Variants in SORCS3 observed in about 807,000 individuals in gnomAD.
SORCS3 encodes the protein sortilin related VPS10 domain containing receptor 3.
A neutral mutation model predicts 146.3 loss-of-function variants in SORCS3; 57 were observed. The observed-to-expected ratio is 0.39, with a 90% confidence interval of 0.31 to 0.49. The LOEUF (loss-of-function observed/expected upper bound fraction) is 0.49, where lower values mean the gene tolerates loss of function less well. Among genes scored for constraint, SORCS3 ranks in the 20% least tolerant of loss-of-function variants. SORCS3 has a pLI of 0.92. For missense variants in SORCS3, 1,341 were observed against 1,575.5 expected, an observed-to-expected ratio of 0.85 and a Z score of 2.52; for synonymous variants, 653 against 618.5, an observed-to-expected ratio of 1.06 and a Z score of -0.83.
chr10:104,641,399 C>G lies in SORCS3; in HGVS notation c.72C>G (p.Leu24=), dbSNP rs1485018318. 1 of 1,460,610 alleles carries G rather than the reference C, an allele frequency of 6.8e-7. No homozygotes were observed. The allele number at this position is 1,460,610 out of a possible 1,614,324, so 90.5% of individuals were successfully genotyped here. A position where few individuals can be genotyped will look rare whatever the true frequency, so the allele number is the denominator to read the frequency against. Residue 24 remains leucine (L), a synonymous_variant, in exon 1 of 27, where the codon CTC becomes CTG. Transcript: ENST00000369701. This position sits in a 1 kb window ranked among gnomAD's most constrained non-coding sequence, Gnocchi z 6.4. ...CGCTTGTCCGGACGGGGCTCCTACT[C>G]TTGTCGACGTGGGTCCTGGCCGGCG... ...GAPLVRTGLL[L]LSTWVLAGAE...
intron 2 of SORCS3, among the ~76,000 whole-genome samples, chr10:104,895,786 C>G (rs181432993): frequency 2.0e-5 from 3 of 152,276 alleles, no homozygotes; most frequent in Admixed American, 2.0e-4. Context: ...CTCTCCCTGC[C>G]TGCTAGCTTT....
At position 104,756,528 on chromosome 10, in the gene SORCS3, C is replaced by T. The variant is rs1967083; in HGVS notation, c.628-86264C>T. 9.9e-5 allele frequency among the ~76,000 whole-genome samples: 15 copies of T among 152,284 alleles called. No individual in the cohort carries two copies. The South Asian group carries it at 2.9e-3, about 30-fold the overall frequency. The stretch of plus-strand genomic sequence containing the variant: ...AGGGCAGGCAATGCTTATTCAGCAC[C>T]TTCTTCATAAACAGAGTTTGTAGGC... On this transcript the variant is annotated intron_variant, in intron 1 of 26. Transcript: ENST00000369701.
intron 20 of SORCS3, among the ~76,000 whole-genome samples, chr10:105,238,590 C>T (rs774362136): frequency 6.6e-5 from 10 of 152,076 alleles, no homozygotes; most frequent in Non-Finnish European, 1.3e-4. Context: ...TTGGAGAAAA[C>T]GCTGAAAGGT....
chr10:104,655,550 A>T (rs570995400), intron 1 of SORCS3, among the ~76,000 whole-genome samples: 71 of 152,324 alleles, frequency 4.7e-4, no homozygotes, highest in African/African-American at 1.7e-3. Context: ...CATTTTTAAA[A>T]ACCACAGCAA....
At chr10:105,221,724 G>A (rs2056703596) in intron 19 of SORCS3, among the ~76,000 whole-genome samples, 1 of 152,134 alleles carries the variant, frequency 6.6e-6, no homozygotes, top group Non-Finnish European at 1.5e-5. Flanking sequence ...AGAATTCAAG[G>A]CCCCCAGGCT....
intron 2 of SORCS3, among the ~76,000 whole-genome samples, chr10:104,909,289 C>T (rs573567383): frequency 4.6e-5 from 7 of 152,102 alleles, no homozygotes; most frequent in South Asian, 4.1e-4. Context: ...TTTAAATGGC[C>T]GGAAAGGGGA....
intron 1 of SORCS3, among the ~76,000 whole-genome samples, chr10:104,743,527 G>A (rs141714730): frequency 6.6e-6 from 1 of 152,178 alleles, no homozygotes. Context: ...AGAAGGCAGT[G>A]GGGGAGATGT....
chr10:104,904,713 A>G (rs1295871228), intron 2 of SORCS3, among the ~76,000 whole-genome samples: 1 of 152,000 alleles, frequency 6.6e-6, no homozygotes, highest in East Asian at 1.9e-4. Flanking sequence ...TTTTGTAAAC[A>G]CACAAGAGTT....
chr10:104,777,859 C>T (rs777373200), intron 1 of SORCS3, among the ~76,000 whole-genome samples: 1 of 151,946 alleles, frequency 6.6e-6, no homozygotes, highest in Non-Finnish European at 1.5e-5. Context: ...AACTTGCCCA[C>T]GCATTTGAGT....
At chr10:104,915,444 C>T (rs1488115880) in intron 2 of SORCS3, among the ~76,000 whole-genome samples, 3 of 150,304 alleles carry the variant, frequency 2.0e-5, no homozygotes, top group Non-Finnish European at 3.0e-5. Context: ...CCCATGGCCT[C>T]CACACACAAC....
chr10:105,136,503 G>A (rs2056059844), intron 7 of SORCS3, among the ~76,000 whole-genome samples: 1 of 152,198 alleles, frequency 6.6e-6, no homozygotes, highest in Non-Finnish European at 1.5e-5. Flanking sequence ...GTCTAGGAAT[G>A]AAGTAGGTCA....
intron 5 of SORCS3, among the ~76,000 whole-genome samples, chr10:105,071,790 T>G (rs1007333815): frequency 6.6e-6 from 1 of 152,212 alleles, no homozygotes; most frequent in Non-Finnish European, 1.5e-5. Context: ...TATTTTTTTG[T>G]ACCCACAAAG....
intron 2 of SORCS3, among the ~76,000 whole-genome samples, chr10:104,904,809 G>T (rs1471609893): frequency 1.3e-5 from 2 of 150,746 alleles, no homozygotes; most frequent in Non-Finnish European, 2.9e-5. Flanking sequence ...TAATTTAAGG[G>T]TATTTCTACC....
intron 3 of SORCS3, among the ~76,000 whole-genome samples, chr10:104,946,344 G>C (rs1488592538): frequency 2.0e-5 from 3 of 152,096 alleles, no homozygotes; most frequent in Admixed American, 1.3e-4. Context: ...CTCCTCTGCT[G>C]TTGTCCCAGT....
intron 5 of SORCS3, among the ~76,000 whole-genome samples, chr10:105,057,836 C>T (rs1303200985): frequency 6.6e-6 from 1 of 152,190 alleles, no homozygotes; most frequent in Non-Finnish European, 1.5e-5. Flanking sequence ...GTAGCGTATT[C>T]TACCATTTCA....
chr10:104,910,070 C>G (rs987197692), intron 2 of SORCS3, among the ~76,000 whole-genome samples: 2 of 152,168 alleles, frequency 1.3e-5, no homozygotes, highest in African/African-American at 4.8e-5. Context: ...TTTCAGGACT[C>G]AGACTAGGAG....
At chr10:104,745,845 G>A (rs1393903660) in intron 1 of SORCS3, among the ~76,000 whole-genome samples, 1 of 152,050 alleles carries the variant, frequency 6.6e-6, no homozygotes, top group South Asian at 2.1e-4. Context: ...GTCCTTCTGT[G>A]TCTGGCTTAT....
chr10:104,647,785 T>G (rs2015512326), intron 1 of SORCS3, among the ~76,000 whole-genome samples: 1 of 152,244 alleles, frequency 6.6e-6, no homozygotes. Flanking sequence ...ATTTCATGTA[T>G]GAATGTTAAC....
intron 2 of SORCS3, among the ~76,000 whole-genome samples, chr10:104,864,931 T>G (rs1042876207): frequency 3.3e-5 from 5 of 152,172 alleles, no homozygotes; most frequent in African/African-American, 1.2e-4. Flanking sequence ...ATCTGGTCTT[T>G]TTTATCTTTT....
Sources: allele counts gnomAD v4.1 joint callset (sites outside exome capture counted in the v4.1 genomes callset), GRCh38; gene constraint gnomAD v4.1.1; non-coding constraint Gnocchi (gnomAD v3.1); transcripts MANE v1.5; gene names NCBI Gene and HGNC (gene_info 2026-07-23, HGNC 2026-07-21).